The following COL27A1 variants were observed in gnomAD, a reference collection of about 807,000 sequenced individuals.
The protein encoded by COL27A1 is collagen alpha-1(XXVII) chain.
A neutral mutation model predicts 251.3 loss-of-function variants in COL27A1; 106 were observed. The ratio of observed to expected loss-of-function variants is 0.42; its 90% CI spans 0.36 to 0.50. COL27A1 has a LOEUF of 0.50. Ranked by LOEUF, COL27A1 falls within the 20% of genes least tolerant of loss-of-function variation. The probability of loss-of-function intolerance (pLI) is 0.00; values close to 1 mark genes in which losing one functional copy is unlikely to be tolerated. For missense variants in COL27A1, 2,325 were observed against 2,522.8 expected, an observed-to-expected ratio of 0.92 and a Z score of 1.68; for synonymous variants, 1,000 against 986.3, an observed-to-expected ratio of 1.01 and a Z score of -0.26.
At chr9:114,233,193 A>G (rs1451262495) in intron 16 of COL27A1, among the ~76,000 whole-genome samples, 2 of 152,322 alleles carry the variant, frequency 1.3e-5, no homozygotes, top group Non-Finnish European at 1.5e-5. Context: ...GGGAGGTCAC[A>G]TTTCACAGTT....
At chr9:114,251,610 C>T (rs1187899502) in intron 25 of COL27A1, among the ~76,000 whole-genome samples, 1 of 152,226 alleles carries the variant, frequency 6.6e-6, no homozygotes, top group Non-Finnish European at 1.5e-5. Context: ...GATAGCACAA[C>T]ATCAAAGCCA....
chr9:114,206,153 G>C (rs1326478469), intron 9 of COL27A1, 99 bp from the exon 10 acceptor site: 8 of 1,173,558 alleles, frequency 6.8e-6, no homozygotes, highest in Non-Finnish European at 1.0e-5. Context: ...ATTCTACAAA[G>C]AGAGCAGCAG....
At chr9:114,243,435 C>A (rs773845026) in intron 22 of COL27A1, 72 bp from the exon 23 acceptor site, 1 of 1,288,716 alleles carries the variant, frequency 7.8e-7, no homozygotes, top group East Asian at 2.3e-5. Flanking sequence ...TGTGCCAGGC[C>A]CTTGGAGCCC....
At chr9:114,220,768 T>G (rs896295486) in intron 13 of COL27A1, among the ~76,000 whole-genome samples, 1 of 152,002 alleles carries the variant, frequency 6.6e-6, no homozygotes, top group Non-Finnish European at 1.5e-5. Context: ...CCGAGGCGGC[T>G]AGATCACTTG....
chr9:114,203,908 A>G (rs1030597220), intron 7 of COL27A1, among the ~76,000 whole-genome samples: 3 of 152,092 alleles, frequency 2.0e-5, no homozygotes, highest in Non-Finnish European at 4.4e-5. Flanking sequence ...CTTCAGTTCT[A>G]TGAGACTCAG....
rs1216200733 is a variant in COL27A1 at position 114,169,293 on chromosome 9, C to A, written c.1738C>A (p.Pro580Thr). ...GACAACCAGGCCTAGCCCCAGACAGCCCCAGCCCAGTCAGCAGACCACCCC... is the reference window on the plus strand; with the variant it reads ...GACAACCAGGCCTAGCCCCAGACAGACCCAGCCCAGTCAGCAGACCACCCC... ...DLTTRPSPRQPQPSQQTTPAL... is the reference protein window; with the variant it reads ...DLTTRPSPRQTQPSQQTTPAL... The change falls in exon 3 of 61, where the codon CCC (proline) becomes ACC (threonine). Residue 580 changes from proline (P) to threonine (T), a missense_variant. Transcript: ENST00000356083. 1.9e-6 allele frequency: 3 copies of A among 1,612,320 alleles called. No homozygotes were observed. The African/African-American group carries it at 4.0e-5, about 22-fold the overall frequency.
chr9:114,183,323 G>A (rs2135177821), intron 5 of COL27A1, among the ~76,000 whole-genome samples: 1 of 152,344 alleles, frequency 6.6e-6, no homozygotes, highest in South Asian at 2.1e-4. Context: ...CAGGGGAGTG[G>A]GCAGAGAGGT....
At chr9:114,185,660 TC>T (rs1828281151) in intron 5 of COL27A1, among the ~76,000 whole-genome samples, 1 of 152,202 alleles carries the variant, frequency 6.6e-6, no homozygotes, top group South Asian at 2.1e-4. Context: ...AGGGCTGGCC[TC>T]CCCCAGGGCC....
At chr9:114,281,731 C>G (rs1249743) in intron 37 of COL27A1, among the ~76,000 whole-genome samples, 33,475 of 152,178 alleles carry the variant, frequency 0.22, 4,036 homozygotes, top group East Asian at 0.33. Flanking sequence ...GGTAAGAGCC[C>G]TGGGCATGGA....
intron 1 of COL27A1, among the ~76,000 whole-genome samples, chr9:114,156,791 T>G (rs927751639): frequency 6.6e-6 from 1 of 151,104 alleles, no homozygotes. Flanking sequence ...GCGTGTGGAG[T>G]AGGAGTTGTA....
intron 41 of COL27A1, among the ~76,000 whole-genome samples, chr9:114,287,687 C>T (rs899545548): frequency 9.2e-5 from 14 of 152,170 alleles, no homozygotes; most frequent in Admixed American, 2.6e-4. Context: ...GCTCCAGTCC[C>T]GCTCTGCACA....
Position 114,209,683 on chromosome 9 carries a change from T to G in COL27A1, c.2277T>G (p.Ile759Met). The G allele has an allele frequency of 6.2e-7, 1 of 1,614,158 alleles. No homozygotes were observed. Among genetic ancestry groups the G allele is most frequent in the South Asian group, 1.1e-5 (1 of 91,080 alleles). The change falls in exon 11 of 61, where the codon ATT becomes ATG. Residue 759 changes from isoleucine to methionine, a missense_variant. Around this residue, in one of 4 missense-constraint regions of COL27A1, gnomAD observed 1,183 missense variants for 1,144.1 expected, o/e 1.03. Transcript: ENST00000356083. ...TTTCTTCTCTTTCCTAGGGCTACAT[T>G]GGGCTCCCAGGGCTCTTCGGCCTGC... ...DPGPKGSRGY[I>M]GLPGLFGLPG...
At position 114,168,400 on chromosome 9, in the gene COL27A1, T is replaced by C. The variant is rs1849057889; in HGVS notation, c.845T>C (p.Leu282Pro). 6.2e-7 allele frequency: 1 copy of C among 1,613,458 alleles called. No homozygotes were observed. Among genetic ancestry groups the C allele is most frequent in the South Asian group, 1.1e-5 (1 of 91,082 alleles). ...LTTATPALGS[L>P]PAGRGPRGTV... ...ACTGCCACACCAGCCCTGGGGTCAC[T>C]GCCAGCAGGCAGGGGACCCAGGGGG... Residue 282 changes from leucine to proline, a missense_variant, in exon 3 of 61, where the codon CTG (leucine) becomes CCG (proline). Physicochemically the swap from Leu to Pro is moderately conservative, Grantham distance 98 (BLOSUM62 -3). Around this residue, in one of 4 missense-constraint regions of COL27A1, gnomAD observed 1,183 missense variants for 1,144.1 expected, o/e 1.03. Transcript: ENST00000356083.
At chr9:114,175,452 G>A (rs1368199125) in intron 3 of COL27A1, among the ~76,000 whole-genome samples, 7 of 152,252 alleles carry the variant, frequency 4.6e-5, no homozygotes, top group East Asian at 3.9e-4. Context: ...CTCGCCACGA[G>A]CAAAGTGGGC....
chr9:114,270,751 C>G lies in COL27A1; in HGVS notation c.3579C>G (p.Asp1193Glu), dbSNP rs1201823887. Reference protein sequence around the residue: ...GQRGEPGLEGDSGPMGPDGLK... With the variant: ...GQRGEPGLEGESGPMGPDGLK... ...AGGGAGAGCCAGGCCTTGAGGGTGACAGTGGCCCCATGGGACCTGATGGGC... is the reference window on the plus strand; with the variant it reads ...AGGGAGAGCCAGGCCTTGAGGGTGAGAGTGGCCCCATGGGACCTGATGGGC... Residue 1193 changes from aspartate to glutamate, a missense_variant, in exon 36 of 61, where the codon GAC becomes GAG. Around this residue, in one of 4 missense-constraint regions of COL27A1, gnomAD observed 662 missense variants for 795.3 expected, o/e 0.83. Transcript: ENST00000356083. 1 of 1,612,932 alleles carries G rather than the reference C, an allele frequency of 6.2e-7. No individual in the cohort carries two copies. The highest frequency in any genetic ancestry group is 2.2e-5 in the East Asian group (1 of 44,822).
intron 49 of COL27A1, among the ~76,000 whole-genome samples, chr9:114,298,350 A>G (rs925196746): frequency 6.6e-6 from 1 of 152,218 alleles, no homozygotes; most frequent in Non-Finnish European, 1.5e-5. Flanking sequence ...TGACAAATTG[A>G]TCCTAAAATT....
chr9:114,260,047 T>C (rs1358577806), intron 28 of COL27A1, among the ~76,000 whole-genome samples: 1 of 151,766 alleles, frequency 6.6e-6, no homozygotes, highest in Non-Finnish European at 1.5e-5. Flanking sequence ...CCAGGCTCCA[T>C]CCGGATCCTC....
At chr9:114,158,717 C>A (rs1848295229) in intron 1 of COL27A1, among the ~76,000 whole-genome samples, 3 of 152,322 alleles carry the variant, frequency 2.0e-5, no homozygotes, top group South Asian at 4.1e-4. Context: ...CAGGGCCTCC[C>A]TCTGAGAGCC....
At position 114,169,073 on chromosome 9, in the gene COL27A1, G is replaced by A. The variant is rs139976325; in HGVS notation, c.1518G>A (p.Thr506=). 14 of 1,613,858 alleles carry A rather than the reference G, an allele frequency of 8.7e-6. No individual in the cohort carries two copies. The highest frequency in any genetic ancestry group is 6.7e-5 in the African/African-American group (5 of 74,896). ...GSTRSTRPPA[T]MVPPTSGTST... is the part of the protein sequence containing the mutation. ...CCAGGAGTACTCGGCCACCAGCCAC[G>A]ATGGTACCTCCAACTTCGGGCACCA... The change falls in exon 3 of 61, where the codon ACG becomes ACA. Residue 506 remains threonine, a synonymous_variant. Transcript: ENST00000356083.
Sources: gnomAD v4.1 joint callset for allele counts (sites outside exome capture counted in the v4.1 genomes callset) on GRCh38, gnomAD v4.1.1 for gene constraint, gnomAD v4.1.1 regional missense constraint, MANE v1.5 for transcripts, NCBI Gene and HGNC (gene_info 2026-07-23, HGNC 2026-07-21) for gene names.